PRCP: variants seen among roughly 807,000 people sequenced by gnomAD.
PRCP encodes the protein lysosomal Pro-X carboxypeptidase.
In PRCP, 46 loss-of-function variants were observed where a neutral mutation model predicts 54.2. The observed-to-expected ratio is 0.85, with a 90% CI of 0.67 to 1.09. The LOEUF is 1.09. PRCP is among the 50% of genes least tolerant of loss of function. The probability of loss-of-function intolerance (pLI) is 0.00; values close to 1 mark genes in which losing one functional copy is unlikely to be tolerated. For missense variants in PRCP, 613 were observed against 596.8 expected (o/e 1.03, Z -0.28); for synonymous variants, 240 against 212.2 (o/e 1.13, Z -1.14).
In PRCP at chr11:82,824,622, T is replaced by C. The variant is rs1858174868; in HGVS notation, c.*284A>G. 2.6e-6 allele frequency: 1 copy of C among 385,768 alleles called. No individual in the cohort carries two copies. Among genetic ancestry groups the C allele is most frequent in the Admixed American group, 4.1e-5 (1 of 24,384 alleles). The allele number at this position is 385,768 out of a possible 1,614,324, so 23.9% of individuals were successfully genotyped here. On this transcript the variant is annotated 3_prime_UTR_variant, in exon 9 of 9. Coordinates refer to ENST00000313010, the MANE Select transcript of PRCP (RefSeq NM_005040.4). Reference sequence around the variant, plus strand: ...ACAAAGAAAGTAACTCTCCCTCTTATGAAAAGCAACCAGGAACTCTACTCC... The same window carrying C: ...ACAAAGAAAGTAACTCTCCCTCTTACGAAAAGCAACCAGGAACTCTACTCC...
intron 2 of PRCP, among the ~76,000 whole-genome samples, chr11:82,857,561 A>G (rs556200519): frequency 1.3e-5 from 2 of 152,320 alleles, no homozygotes; most frequent in Non-Finnish European, 2.9e-5. Flanking sequence ...TCTGTTCTCA[A>G]CGAAGCATTC....
chr11:82,882,788 C>A, intron 1 of PRCP, among the ~76,000 whole-genome samples: 1 of 147,918 alleles, frequency 6.8e-6, no homozygotes, highest in African/African-American at 2.7e-5. Flanking sequence ...AGCCACCGCG[C>A]CCGGCCGAGC....
At chr11:82,867,777 G>C (rs955165433) in intron 1 of PRCP, among the ~76,000 whole-genome samples, 3 of 152,122 alleles carry the variant, frequency 2.0e-5, no homozygotes, top group South Asian at 2.1e-4. Flanking sequence ...AGGCAAAGTA[G>C]AGTGGCCAGA....
chr11:82,840,349 A>G (rs912329685), intron 6 of PRCP: 1 of 152,160 alleles, frequency 6.6e-6, no homozygotes, highest in Non-Finnish European at 1.5e-5. Flanking sequence ...CATGGTATCT[A>G]GATTTCACCC....
At chr11:82,863,910 C>T (rs989076503) in intron 1 of PRCP, among the ~76,000 whole-genome samples, 2 of 152,158 alleles carry the variant, frequency 1.3e-5, no homozygotes, top group African/African-American at 2.4e-5. Context: ...GTTAAAAGAC[C>T]TGAACTTGAA....
At chr11:82,872,585 C>T (rs1270399542) in intron 1 of PRCP, among the ~76,000 whole-genome samples, 4 of 152,122 alleles carry the variant, frequency 2.6e-5, no homozygotes, top group South Asian at 2.1e-4. Flanking sequence ...AGCAAAAGAA[C>T]GCCAAGGACT....
chr11:82,839,337 T>C lies in PRCP; in HGVS notation c.1010A>G (p.Tyr337Cys). The C allele has an allele frequency of 6.2e-7, 1 of 1,614,060 alleles. No individual in the cohort carries two copies. Among genetic ancestry groups the C allele is most frequent in the South Asian group, 1.1e-5 (1 of 91,076 alleles). The change falls in exon 7 of 9, where the codon TAT becomes TGT. Residue 337 changes from tyrosine to cysteine, a missense_variant. Physicochemically the swap from Tyr to Cys is radical, Grantham distance 194. Transcript: ENST00000313010. ...ATTCAGGCATTTCACCTGGCCCGAA[T>C]AATTGTAATATACATTCAGAGCTTG... is the stretch of plus-strand genomic sequence containing the variant. Reference protein sequence around the residue: ...IFQALNVYYNYSGQVKCLNIS... With the variant: ...IFQALNVYYNCSGQVKCLNIS...
upstream of PRCP, chr11:82,900,660 G>C: frequency 4.7e-6 from 3 of 640,932 alleles, no homozygotes; most frequent in Admixed American, 2.1e-5. Flanking sequence ...CCTTCATTGC[G>C]GTCACACCCC....
chr11:82,848,270 A>C (rs1352567868), intron 6 of PRCP, among the ~76,000 whole-genome samples: 3 of 152,264 alleles, frequency 2.0e-5, no homozygotes, highest in Admixed American at 6.5e-5. Context: ...GCTCTTTACA[A>C]AGAAATGCTT....
chr11:82,862,153 T>C (rs1452906641), intron 1 of PRCP, among the ~76,000 whole-genome samples: 1 of 152,170 alleles, frequency 6.6e-6, no homozygotes, highest in African/African-American at 2.4e-5. Flanking sequence ...GAATACTCAA[T>C]TTGACCTAAA....
rs529999896 is a variant in PRCP at position 82,888,642 on chromosome 11, AG to A, written c.168+11592del. 5.6e-3 allele frequency among the ~76,000 whole-genome samples: 852 copies of A among 152,344 alleles called. 3 individuals are homozygous for A. Among genetic ancestry groups the A allele is most frequent in the Non-Finnish European group, 0.01 (705 of 68,020 alleles). On this transcript the variant is annotated intron_variant, in intron 1 of 8. Transcript: ENST00000313010. ...CTTTCTCTGTAGATATGTTGGGAGA[AG>A]GAAAAGCACAAACTTCTAGCCACAG...
At chr11:82,855,983 C>T (rs1053350350) in intron 2 of PRCP, among the ~76,000 whole-genome samples, 2 of 152,028 alleles carry the variant, frequency 1.3e-5, no homozygotes, top group Admixed American at 6.6e-5. Context: ...ACCATTCAAC[C>T]CACCAATCCT....
At chr11:82,889,867 A>G (rs1859962939) in intron 1 of PRCP, among the ~76,000 whole-genome samples, 1 of 152,242 alleles carries the variant, frequency 6.6e-6, no homozygotes, top group Non-Finnish European at 1.5e-5. Flanking sequence ...ATTCAACTGG[A>G]GGAGAGGTGA....
intron 1 of PRCP, among the ~76,000 whole-genome samples, chr11:82,873,448 C>T (rs781154031): frequency 4.6e-5 from 7 of 152,184 alleles, no homozygotes; most frequent in Non-Finnish European, 8.8e-5. Context: ...ATCAGGCTCC[C>T]CCCAGCATTT....
intron 1 of PRCP, among the ~76,000 whole-genome samples, chr11:82,862,178 G>T (rs1171645817): frequency 2.0e-5 from 3 of 151,896 alleles, no homozygotes; most frequent in Non-Finnish European, 4.4e-5. Context: ...TGTTCATTTT[G>T]TCAAAAGTGT....
At chr11:82,900,506 C>T, upstream of PRCP, 1 of 1,449,046 alleles carries the variant, frequency 6.9e-7, no homozygotes, top group Non-Finnish European at 9.4e-7. Context: ...CGCCGCAAAA[C>T]AGCTCCTCCC....
chr11:82,838,542 A>G lies in PRCP; in HGVS notation c.1119T>C (p.Thr373=), dbSNP rs1858584954. ...ACTEVVMPFC[T]NGVDDMFEPH... ...GTTCAAACATGTCATCGACACCATT[A>G]GTACAAAAGGGCATGACTACTTCTG... is the stretch of plus-strand genomic sequence containing the variant. The change falls in exon 8 of 9, where the codon ACT becomes ACC. Residue 373 remains threonine, a synonymous_variant. Coordinates refer to ENST00000313010, the MANE Select transcript of PRCP (RefSeq NM_005040.4). 4 of 1,614,016 alleles carry G rather than the reference A, an allele frequency of 2.5e-6. No individual in the cohort carries two copies. Among genetic ancestry groups the G allele is most frequent in the Non-Finnish European group, 3.4e-6 (4 of 1,179,928 alleles).
intron 1 of PRCP, among the ~76,000 whole-genome samples, chr11:82,894,040 A>AT (rs1386351168): frequency 2.0e-5 from 3 of 152,190 alleles, no homozygotes; most frequent in Admixed American, 6.5e-5. Flanking sequence ...TTTATGGTCA[A>AT]TTTTTTCAAT....
chr11:82,863,504 A>G (rs1295211761), intron 1 of PRCP, among the ~76,000 whole-genome samples: 1 of 152,220 alleles, frequency 6.6e-6, no homozygotes, highest in Non-Finnish European at 1.5e-5. Flanking sequence ...CTCTCTAACA[A>G]GATGCCTTCC....
Sources: gnomAD v4.1 joint callset for allele counts (sites outside exome capture counted in the v4.1 genomes callset) on GRCh38, gnomAD v4.1.1 for gene constraint, MANE v1.5 for transcripts, NCBI Gene and HGNC (gene_info 2026-07-23, HGNC 2026-07-21) for gene names.